CGNL1: variants seen among roughly 807,000 people sequenced by gnomAD.
CGNL1 encodes cingulin like 1.
Under a neutral mutation model 141.2 loss-of-function variants are expected in CGNL1, and 132 were observed. The observed-to-expected ratio is 0.93, with a 90% confidence interval of 0.81 to 1.08. CGNL1 has a LOEUF of 1.08. Among genes scored for constraint, CGNL1 ranks in the 50% least tolerant of loss-of-function variants. CGNL1 has a pLI of 0.00. For synonymous variants in CGNL1, 690 were observed against 622.1 expected (o/e 1.11, Z -1.63); for missense variants, 1,870 against 1,588.6 (o/e 1.18, Z -3.01).
intron 3 of CGNL1, among the ~76,000 whole-genome samples, chr15:57,441,423 C>T (rs540343018): frequency 1.5e-4 from 23 of 151,912 alleles, no homozygotes; most frequent in South Asian, 1.0e-3. Context: ...GGCTGGAATG[C>T]GGTGGCATGA....
At chr15:57,471,652 C>T (rs2063583001) in intron 8 of CGNL1, among the ~76,000 whole-genome samples, 1 of 152,138 alleles carries the variant, frequency 6.6e-6, no homozygotes, top group South Asian at 2.1e-4. Context: ...CTCCTGCTCA[C>T]CGATGGAGTG....
intron 8 of CGNL1, among the ~76,000 whole-genome samples, chr15:57,492,898 A>G (rs1296713573): frequency 1.3e-5 from 2 of 152,192 alleles, no homozygotes; most frequent in Non-Finnish European, 2.9e-5. Context: ...AAGAAGAAAC[A>G]ATAATTGTCC....
chr15:57,497,084 C>T (rs1295904042), intron 8 of CGNL1, among the ~76,000 whole-genome samples: 2 of 152,182 alleles, frequency 1.3e-5, no homozygotes, highest in Non-Finnish European at 2.9e-5. Flanking sequence ...CCACATCCTG[C>T]TGTGTTTGGC....
At chr15:57,468,054 T>G (rs1419010512) in intron 8 of CGNL1, among the ~76,000 whole-genome samples, 1 of 152,068 alleles carries the variant, frequency 6.6e-6, no homozygotes, top group Non-Finnish European at 1.5e-5. Flanking sequence ...TGCTTCAAAA[T>G]AATCCACTTT....
chr15:57,409,108 CATTA>C (rs1213898863), intron 1 of CGNL1, among the ~76,000 whole-genome samples: 2 of 151,682 alleles, frequency 1.3e-5, no homozygotes, highest in Admixed American at 6.6e-5. Flanking sequence ...GGCATGTGTG[CATTA>C]ATTGAGGACA....
chr15:57,419,847 TAAG>T (rs1185843967), intron 1 of CGNL1, among the ~76,000 whole-genome samples: 2 of 152,200 alleles, frequency 1.3e-5, no homozygotes, highest in East Asian at 3.8e-4. Flanking sequence ...AGCCCACACA[TAAG>T]AAGTGAGGAG....
At chr15:57,526,392 T>C (rs2031618297) in intron 12 of CGNL1, among the ~76,000 whole-genome samples, 1 of 151,794 alleles carries the variant, frequency 6.6e-6, no homozygotes, top group Admixed American at 6.6e-5. Context: ...CAAGCCAAGG[T>C]CTCTCTGGAT....
At chr15:57,544,324 C>A in intron 15 of CGNL1, 149 bp from the exon 16 acceptor site, 2 of 877,130 alleles carry the variant, frequency 2.3e-6, no homozygotes, top group Non-Finnish European at 3.4e-6. Flanking sequence ...TCTCTGTGTT[C>A]CCCAGGTCTC....
chr15:57,381,094 G>A (rs2062419266), intron 1 of CGNL1, among the ~76,000 whole-genome samples: 1 of 152,024 alleles, frequency 6.6e-6, no homozygotes, highest in Non-Finnish European at 1.5e-5. Context: ...ATAACCTCAT[G>A]GTTATAATAG....
chr15:57,507,672 A>T (rs1035689382), intron 8 of CGNL1, among the ~76,000 whole-genome samples: 1 of 152,242 alleles, frequency 6.6e-6, no homozygotes, highest in Non-Finnish European at 1.5e-5. Flanking sequence ...GTTAATGACC[A>T]TAAGGAGAGA....
At chr15:57,446,712 G>C (rs2063257362) in intron 4 of CGNL1, among the ~76,000 whole-genome samples, 1 of 139,832 alleles carries the variant, frequency 7.2e-6, no homozygotes, top group Non-Finnish European at 1.5e-5. Flanking sequence ...TTTCTCTTGA[G>C]AATATATCTG....
At chr15:57,544,722 C>T (rs2032763241) in intron 16 of CGNL1, 125 bp downstream of exon 16, 2 of 1,123,968 alleles carry the variant, frequency 1.8e-6, no homozygotes, top group African/African-American at 3.1e-5. Flanking sequence ...AGAGCAACTA[C>T]ACCCTTACTT....
intron 15 of CGNL1, 102 bp from the exon 16 acceptor site, chr15:57,544,371 G>A (rs546217442): frequency 3.1e-5 from 44 of 1,414,868 alleles, no homozygotes; most frequent in South Asian, 5.4e-5. Flanking sequence ...CAGCCTCATC[G>A]CATGCAGCGA....
chr15:57,505,679 T>C (rs1252915423), intron 8 of CGNL1, among the ~76,000 whole-genome samples: 2 of 152,174 alleles, frequency 1.3e-5, no homozygotes, highest in Non-Finnish European at 2.9e-5. Context: ...ACCGAGACCA[T>C]GTCCTTTTCT....
At chr15:57,433,216 A>G (rs2063065880) in intron 1 of CGNL1, among the ~76,000 whole-genome samples, 1 of 150,374 alleles carries the variant, frequency 6.7e-6, no homozygotes, top group Non-Finnish European at 1.5e-5. Context: ...AGGGGTTAAG[A>G]CACACCTGGT....
chr15:57,427,670 G>A (rs192379306), intron 1 of CGNL1, among the ~76,000 whole-genome samples: 188 of 152,332 alleles, frequency 1.2e-3, no homozygotes, highest in South Asian at 3.7e-3. Context: ...AACATATTCC[G>A]AGGGAGAATA....
chr15:57,415,041 G>C (rs1376984076), intron 1 of CGNL1, among the ~76,000 whole-genome samples: 1 of 152,176 alleles, frequency 6.6e-6, no homozygotes, highest in African/African-American at 2.4e-5. Flanking sequence ...GGTGTCTTAT[G>C]GAACCCATGG....
intron 1 of CGNL1, among the ~76,000 whole-genome samples, chr15:57,388,118 G>T (rs866826499): frequency 6.6e-6 from 1 of 152,248 alleles, no homozygotes; most frequent in Non-Finnish European, 1.5e-5. Flanking sequence ...GGGGGCTTCA[G>T]TGGGCAGAGA....
rs1465625474 is a variant in CGNL1 at position 57,453,562 on chromosome 15, G to T, written c.2055-121G>T. 3.1e-6 allele frequency: 4 copies of T among 1,301,990 alleles called. No homozygotes were observed. In the Admixed American group the frequency reaches 9.1e-5, roughly 30 times the overall value. 80.7% of individuals were successfully genotyped at this position (1,301,990 alleles called of 1,614,324 possible). ...GATCCCTTGCTCAGTGCAGAACAGA[G>T]AATGGGGAGGCTCCTTGGGGCTTTA... On this transcript the variant is annotated intron_variant, in intron 6 of 18. Coordinates refer to ENST00000281282, the MANE Select transcript of CGNL1 (RefSeq NM_032866.5).
Sources: gnomAD v4.1 joint callset for allele counts (sites outside exome capture counted in the v4.1 genomes callset) on GRCh38, gnomAD v4.1.1 for gene constraint, MANE v1.5 for transcripts, NCBI Gene and HGNC (gene_info 2026-07-23, HGNC 2026-07-21) for gene names.